Variants in NTRK2 observed in about 807,000 individuals in gnomAD.
NTRK2 encodes the protein neurotrophic receptor tyrosine kinase 2.
In NTRK2, 13 loss-of-function variants were observed where a neutral mutation model predicts 94.5. That is an observed-to-expected ratio of 0.14 (90% CI 0.09 to 0.22). The LOEUF is 0.22. NTRK2 is among the 10% of genes least tolerant of loss of function. The pLI is 1.00. For synonymous variants in NTRK2, 372 were observed against 407.4 expected, an observed-to-expected ratio of 0.91 and a Z score of 1.05; for missense variants, 639 against 1,071.2, an observed-to-expected ratio of 0.60 and a Z score of 5.63.
intron 17 of NTRK2, among the ~76,000 whole-genome samples, chr9:84,974,503 A>G (rs1163221980): frequency 3.9e-5 from 6 of 152,204 alleles, no homozygotes; most frequent in Non-Finnish European, 8.8e-5. Context: ...TGTAACTTGG[A>G]GCCAGATAGC....
chr9:84,669,093 A>T (rs1028775796), upstream of NTRK2, among the ~76,000 whole-genome samples: 1 of 152,158 alleles, frequency 6.6e-6, no homozygotes, highest in African/African-American at 2.4e-5. The surrounding 1 kb of genome is among the most constrained non-coding windows in gnomAD (Gnocchi z 4.1). Flanking sequence ...ACCAACAGGA[A>T]GCCCCTCCAA....
intron 12 of NTRK2, among the ~76,000 whole-genome samples, chr9:84,780,351 A>T (rs2067448221): frequency 6.6e-6 from 1 of 152,110 alleles, no homozygotes; most frequent in Non-Finnish European, 1.5e-5. Context: ...AAAACCTAAA[A>T]TGTTTACTCT....
chr9:84,739,854 C>T (rs561931147), intron 9 of NTRK2, among the ~76,000 whole-genome samples: 1 of 152,178 alleles, frequency 6.6e-6, no homozygotes, highest in South Asian at 2.1e-4. Context: ...GGTTGGCCAC[C>T]CTACTGCAAA....
At chr9:84,818,251 C>T (rs1211290891) in intron 12 of NTRK2, among the ~76,000 whole-genome samples, 2 of 152,168 alleles carry the variant, frequency 1.3e-5, no homozygotes, top group Non-Finnish European at 2.9e-5. Context: ...AAAGCTGGTG[C>T]TCCGTATGTG....
At chr9:84,864,771 C>T in intron 13 of NTRK2, among the ~76,000 whole-genome samples, 1 of 119,002 alleles carries the variant, frequency 8.4e-6, no homozygotes, top group South Asian at 2.9e-4. Context: ...AACTGAGTCT[C>T]ACTCTGTCAC....
intron 12 of NTRK2, chr9:84,815,534 TC>T (rs5898874): frequency 9.8e-7 from 1 of 1,021,960 alleles, no homozygotes; most frequent in East Asian, 6.5e-5. Context: ...TTTTTTTTTT[TC>T]CTATAATGTT....
At chr9:84,859,384 G>T (rs879817723) in intron 12 of NTRK2, among the ~76,000 whole-genome samples, 1 of 152,304 alleles carries the variant, frequency 6.6e-6, no homozygotes, top group East Asian at 1.9e-4. Context: ...GCATAGTGTT[G>T]TAGCAATTTG....
At chr9:84,746,419 G>A (rs1481417765) in intron 11 of NTRK2, among the ~76,000 whole-genome samples, 1 of 152,100 alleles carries the variant, frequency 6.6e-6, no homozygotes. Context: ...GTTCTTTCCT[G>A]CATGACCACG....
intron 2 of NTRK2, among the ~76,000 whole-genome samples, chr9:84,700,848 C>A (rs1325432339): frequency 6.6e-6 from 1 of 152,188 alleles, no homozygotes; most frequent in Non-Finnish European, 1.5e-5. Flanking sequence ...AGATTTCCTC[C>A]TGGCATAATT....
chr9:84,978,319 CA>C (rs1827160208), intron 17 of NTRK2, among the ~76,000 whole-genome samples: 1 of 152,200 alleles, frequency 6.6e-6, no homozygotes, highest in Non-Finnish European at 1.5e-5. Context: ...ACATGAATGA[CA>C]AGAAAGCAAA....
intron 12 of NTRK2, among the ~76,000 whole-genome samples, chr9:84,838,995 TAAC>T (rs2074028071): frequency 6.6e-6 from 1 of 151,902 alleles, no homozygotes; most frequent in South Asian, 2.1e-4. Context: ...GGAGGTGAAA[TAAC>T]ATCCATTTCA....
intron 17 of NTRK2, among the ~76,000 whole-genome samples, chr9:84,976,732 A>T (rs1826909040): frequency 1.3e-5 from 2 of 152,136 alleles, no homozygotes; most frequent in African/African-American, 4.8e-5. Flanking sequence ...TCCCACAAAA[A>T]AAAAACTATA....
At chr9:84,917,990 A>G (rs984392175) in intron 14 of NTRK2, among the ~76,000 whole-genome samples, 2 of 152,234 alleles carry the variant, frequency 1.3e-5, no homozygotes, top group African/African-American at 4.8e-5. Context: ...CCACACACCG[A>G]AATCAAGAGA....
Position 84,953,830 on chromosome 9 carries a change from G to A in NTRK2, c.1938-1453G>A, listed in dbSNP as rs567074809. Among the ~76,000 whole-genome samples, 5 of 152,316 alleles carry A rather than the reference G, an allele frequency of 3.3e-5. No individual in the cohort carries two copies. The East Asian group carries it at 5.8e-4, about 18-fold the overall frequency. ...GCTTCCCAGGATCATGGCATTGGAC[G>A]CTGGTAGGCCTGGGAGACCCCCCAA... is the stretch of plus-strand genomic sequence containing the variant. On this transcript the variant is annotated intron_variant, in intron 16 of 18. Transcript: ENST00000277120.
Position 84,879,475 on chromosome 9 carries a change from A to G in NTRK2, c.1633+12044A>G, listed in dbSNP as rs190851398. Among the ~76,000 whole-genome samples the G allele has an allele frequency of 5.1e-3, 783 of 152,238 alleles. 6 individuals are homozygous for G. Among genetic ancestry groups the G allele is most frequent in the Non-Finnish European group, 6.5e-3 (439 of 68,016 alleles). The stretch of plus-strand genomic sequence containing the variant: ...TCTTTTTGTAATATTTGCATTCTCT[A>G]TTTTTATATAATTTCTACCTAATGC... On this transcript the variant is annotated intron_variant, in intron 14 of 18. Transcript: ENST00000277120.
intron 9 of NTRK2, among the ~76,000 whole-genome samples, chr9:84,739,030 T>TAATTA (rs747321359): frequency 4.6e-5 from 7 of 151,662 alleles, no homozygotes; most frequent in Non-Finnish European, 7.4e-5. Context: ...GACCTATTTT[T>TAATTA]AATTAAATTA....
intron 6 of NTRK2, among the ~76,000 whole-genome samples, chr9:84,718,178 A>G (rs2061833712): frequency 6.6e-6 from 1 of 152,140 alleles, no homozygotes; most frequent in Non-Finnish European, 1.5e-5. Context: ...TCAGGTCCAT[A>G]TCAGATTTAA....
intron 16 of NTRK2, 82 bp downstream of exon 16, chr9:84,948,716 G>C: frequency 7.7e-7 from 1 of 1,293,288 alleles, no homozygotes; most frequent in South Asian, 1.2e-5. Flanking sequence ...GAGGGAACAA[G>C]GGACCCCTGG....
intron 12 of NTRK2, among the ~76,000 whole-genome samples, chr9:84,840,902 A>C (rs1019808338): frequency 2.0e-5 from 3 of 151,998 alleles, no homozygotes; most frequent in Non-Finnish European, 4.4e-5. Context: ...GGCCTGTTGG[A>C]GGCACCCAGC....
Sources: allele counts gnomAD v4.1 joint callset (sites outside exome capture counted in the v4.1 genomes callset), GRCh38; gene constraint gnomAD v4.1.1; non-coding constraint Gnocchi (gnomAD v3.1); transcripts MANE v1.5; gene names NCBI Gene and HGNC (gene_info 2026-07-23, HGNC 2026-07-21).